Variants in NLGN1 observed in about 807,000 individuals in gnomAD.
The protein encoded by NLGN1 is neuroligin-1.
A neutral mutation model predicts 65.5 loss-of-function variants in NLGN1; 12 were observed. The observed-to-expected ratio is 0.18, with a 90% CI of 0.12 to 0.30. NLGN1 has a LOEUF of 0.30. Among genes scored for constraint, NLGN1 ranks in the 10% least tolerant of loss-of-function variants. The pLI, the probability that NLGN1 is intolerant of heterozygous loss-of-function variation, is 1.00. For synonymous variants in NLGN1, 350 were observed against 359.5 expected, an observed-to-expected ratio of 0.97 and a Z score of 0.30; for missense variants, 750 against 1,007.1, an observed-to-expected ratio of 0.74 and a Z score of 3.46.
intron 2 of NLGN1, among the ~76,000 whole-genome samples, chr3:173,545,890 A>C (rs1577208069): frequency 6.6e-6 from 1 of 152,094 alleles, no homozygotes; most frequent in African/African-American, 2.4e-5. Flanking sequence ...TGGGAGTTGA[A>C]CAATGAGAAC....
At chr3:173,604,710 C>T in exon 3 of NLGN1, 1 of 1,613,736 alleles carries the variant, frequency 6.2e-7, no homozygotes, top group Non-Finnish European at 8.5e-7. Context: ...GGGATGTTTG[C>T]TTCAGGCTGG....
At chr3:174,124,556 T>TAC (rs1171324111) in intron 4 of NLGN1, among the ~76,000 whole-genome samples, 1 of 147,608 alleles carries the variant, frequency 6.8e-6, no homozygotes, top group Admixed American at 6.8e-5. Flanking sequence ...CTTATATATA[T>TAC]ACGTATATAT....
At chr3:173,800,902 A>G (rs1715337900) in intron 3 of NLGN1, among the ~76,000 whole-genome samples, 1 of 152,012 alleles carries the variant, frequency 6.6e-6, no homozygotes, top group African/African-American at 2.4e-5. Flanking sequence ...TAAATGTCAC[A>G]TAAATGCAAT....
chr3:173,781,461 C>G lies in NLGN1; in HGVS notation c.494-26219C>G, dbSNP rs1301916376. On this transcript the variant is annotated intron_variant, in intron 3 of 6. Coordinates refer to ENST00000457714, the Ensembl canonical transcript of NLGN1. The stretch of plus-strand genomic sequence containing the variant: ...TAAATATAAAAAAATTGAATTTGTT[C>G]ACTGTTATGGATTATCTTTGATGGG... Among the ~76,000 whole-genome samples, 4 of 152,078 alleles carry G rather than the reference C, an allele frequency of 2.6e-5. No individual in the cohort carries two copies. The East Asian group carries it at 7.7e-4, about 29-fold the overall frequency.
intron 3 of NLGN1, among the ~76,000 whole-genome samples, chr3:173,742,969 C>T (rs1774873496): frequency 6.6e-6 from 1 of 152,142 alleles, no homozygotes; most frequent in Non-Finnish European, 1.5e-5. Flanking sequence ...AATACATACA[C>T]CCATAATCTT....
At chr3:173,618,258 A>G (rs1753445626) in intron 3 of NLGN1, among the ~76,000 whole-genome samples, 1 of 151,982 alleles carries the variant, frequency 6.6e-6, no homozygotes, top group African/African-American at 2.4e-5. Context: ...TGCAGTTGCA[A>G]GATGGTAGCT....
At chr3:174,053,776 T>A (rs1735437510) in intron 4 of NLGN1, among the ~76,000 whole-genome samples, 1 of 152,008 alleles carries the variant, frequency 6.6e-6, no homozygotes, top group African/African-American at 2.4e-5. Context: ...TTTCATTTGC[T>A]ACCTTTTCCT....
At chr3:173,571,821 C>T (rs1744702271) in intron 2 of NLGN1, among the ~76,000 whole-genome samples, 1 of 152,108 alleles carries the variant, frequency 6.6e-6, no homozygotes, top group African/African-American at 2.4e-5. Flanking sequence ...GCCCTTTCTC[C>T]TATTAATAAT....
intron 3 of NLGN1, among the ~76,000 whole-genome samples, chr3:173,734,762 T>C (rs1773467472): frequency 6.6e-6 from 1 of 151,992 alleles, no homozygotes; most frequent in Non-Finnish European, 1.5e-5. Flanking sequence ...CTTAAGAAAC[T>C]CTTTTTCTTC....
intron 4 of NLGN1, among the ~76,000 whole-genome samples, chr3:174,027,328 G>C (rs951273725): frequency 1.3e-5 from 2 of 152,044 alleles, no homozygotes; most frequent in African/African-American, 2.4e-5. Context: ...TCCAACATTC[G>C]AATTTGTTTA....
chr3:174,261,744 G>A (rs1746958990), intron 4 of NLGN1, among the ~76,000 whole-genome samples: 1 of 143,432 alleles, frequency 7.0e-6, no homozygotes, highest in Non-Finnish European at 1.5e-5. Flanking sequence ...GTGAGAGAGG[G>A]CATCCCTGTC....
intron 4 of NLGN1, among the ~76,000 whole-genome samples, chr3:174,239,760 T>C (rs1248480899): frequency 6.6e-6 from 1 of 152,018 alleles, no homozygotes; most frequent in Non-Finnish European, 1.5e-5. Flanking sequence ...AAGAAGAGGG[T>C]TTGGCTCTTA....
chr3:173,497,492 A>G (rs987424383), intron 2 of NLGN1, among the ~76,000 whole-genome samples: 10 of 151,872 alleles, frequency 6.6e-5, no homozygotes, highest in Non-Finnish European at 1.3e-4. Context: ...TAATTTAGAC[A>G]TTTCTTTCTA....
At chr3:174,019,074 A>G (rs959793615) in intron 4 of NLGN1, among the ~76,000 whole-genome samples, 5 of 152,134 alleles carry the variant, frequency 3.3e-5, no homozygotes, top group African/African-American at 1.2e-4. Flanking sequence ...CAGGTATTCA[A>G]TGCCACCAAA....
At chr3:173,701,371 A>G (rs1027389611) in intron 3 of NLGN1, among the ~76,000 whole-genome samples, 1 of 152,144 alleles carries the variant, frequency 6.6e-6, no homozygotes, top group African/African-American at 2.4e-5. Context: ...GAGGTTCAGA[A>G]TCAGAGAAGG....
At chr3:173,914,218 C>T (rs1025404111) in intron 4 of NLGN1, among the ~76,000 whole-genome samples, 1 of 152,056 alleles carries the variant, frequency 6.6e-6, no homozygotes, top group Admixed American at 6.6e-5. Flanking sequence ...CAGAAGTATC[C>T]CCTCCCCCAC....
intron 4 of NLGN1, among the ~76,000 whole-genome samples, chr3:173,857,044 ATAAAAT>A (rs1728128520): frequency 6.6e-6 from 1 of 151,752 alleles, no homozygotes; most frequent in African/African-American, 2.4e-5. Flanking sequence ...AGAGGCATGA[ATAAAAT>A]TAAGAAACAA....
At chr3:174,078,081 A>G (rs1321983279) in intron 4 of NLGN1, among the ~76,000 whole-genome samples, 2 of 152,186 alleles carry the variant, frequency 1.3e-5, no homozygotes, top group South Asian at 2.1e-4. Flanking sequence ...CAATATTGCT[A>G]AAACTTAAGT....
chr3:174,119,183 C>T (rs538354224), intron 4 of NLGN1, among the ~76,000 whole-genome samples: 6 of 152,252 alleles, frequency 3.9e-5, no homozygotes, highest in Non-Finnish European at 8.8e-5. Context: ...CACAGCACAT[C>T]ATCCCATGAT....
Sources: gnomAD v4.1 joint callset for allele counts (sites outside exome capture counted in the v4.1 genomes callset) on GRCh38, gnomAD v4.1.1 for gene constraint, MANE v1.5 for transcripts, NCBI Gene and HGNC (gene_info 2026-07-23, HGNC 2026-07-21) for gene names.